The following KIRREL3 variants were observed in gnomAD, a reference collection of about 807,000 sequenced individuals.
The protein encoded by KIRREL3 is kirre like nephrin family adhesion molecule 3, also known as kin of IRRE-like protein 3.
In KIRREL3, 36 loss-of-function variants were observed where a neutral mutation model predicts 89.7. That is an observed-to-expected ratio of 0.40 (90% CI 0.31 to 0.53). KIRREL3 has a LOEUF of 0.53. Ranked by LOEUF, KIRREL3 falls within the 20% of genes least tolerant of loss-of-function variation. KIRREL3 has a pLI of 0.49. For synonymous variants in KIRREL3, 445 were observed against 441.4 expected (o/e 1.01, Z -0.10); for missense variants, 864 against 1,056.6 (o/e 0.82, Z 2.53).
In KIRREL3 at chr11:126,531,424, G is replaced by A. The variant is rs1958939383; in HGVS notation, c.134-4737C>T. 6.6e-6 allele frequency among the ~76,000 whole-genome samples: 1 copy of A among 152,162 alleles called. No individual in the cohort carries two copies. Among genetic ancestry groups the A allele is most frequent in the African/African-American group, 2.4e-5 (1 of 41,428 alleles). The stretch of plus-strand genomic sequence containing the variant: ...GGACAACGCCCAACTTCCCATGCTG[G>A]ATTCTAATCTCCAAAATCCAGCTCC... On this transcript the variant is annotated intron_variant, in intron 2 of 16. Transcript: ENST00000525144. The surrounding 1 kb of genome is among the most constrained non-coding windows in gnomAD (Gnocchi z 4.7).
chr11:126,675,413 T>C (rs1463607046), intron 1 of KIRREL3, among the ~76,000 whole-genome samples: 1 of 152,346 alleles, frequency 6.6e-6, no homozygotes, highest in East Asian at 1.9e-4. Flanking sequence ...TGGACTGAGA[T>C]TACAATGAAC....
At chr11:126,545,340 C>T (rs1938729855) in intron 2 of KIRREL3, among the ~76,000 whole-genome samples, 1 of 152,158 alleles carries the variant, frequency 6.6e-6, no homozygotes, top group African/African-American at 2.4e-5. Context: ...CCAGAGATAT[C>T]TATCTGGATC....
chr11:126,698,442 T>A (rs113714513), intron 1 of KIRREL3, among the ~76,000 whole-genome samples: 13 of 152,294 alleles, frequency 8.5e-5, no homozygotes, highest in African/African-American at 1.2e-4. Context: ...CCCTCCACCT[T>A]GGGTGTTCTC....
At position 126,837,578 on chromosome 11, in the gene KIRREL3, G is replaced by A. The variant is rs1012625130; in HGVS notation, c.55+162877C>T. On this transcript the variant is annotated intron_variant, in intron 1 of 16. Coordinates refer to ENST00000525144, the MANE Select transcript of KIRREL3 (RefSeq NM_032531.4). This position sits in a 1 kb window ranked among gnomAD's most constrained non-coding sequence, Gnocchi z 4.7. ...CCTCTTCCCACCTCTTCCAATCCTC[G>A]CTACATCCAGGAACTTACTCTGCTG... Among the ~76,000 whole-genome samples the A allele has an allele frequency of 2.6e-5, 4 of 152,200 alleles. No homozygotes were observed. Among genetic ancestry groups the A allele is most frequent in the Admixed American group, 6.5e-5 (1 of 15,292 alleles).
chr11:126,442,351 C>CAA (rs1334428889), intron 10 of KIRREL3, among the ~76,000 whole-genome samples: 123 of 126,592 alleles, frequency 9.7e-4, no homozygotes, highest in African/African-American at 3.4e-3. Context: ...CACACACACA[C>CAA]ACAAAACCTT....
chr11:126,757,090 A>C (rs1422135569), intron 1 of KIRREL3, among the ~76,000 whole-genome samples: 1 of 152,224 alleles, frequency 6.6e-6, no homozygotes, highest in Admixed American at 6.5e-5. Context: ...AATCAAGCAT[A>C]AAGTTCTGGG....
intron 4 of KIRREL3, among the ~76,000 whole-genome samples, chr11:126,478,936 C>T (rs894746968): frequency 1.3e-5 from 2 of 152,156 alleles, no homozygotes; most frequent in African/African-American, 4.8e-5. Context: ...TTGGTGCTCC[C>T]TGTCTCTCCT....
In KIRREL3 at chr11:126,879,144, G is replaced by A. The variant is rs1330513960; in HGVS notation, c.55+121311C>T. On this transcript the variant is annotated intron_variant, in intron 1 of 16. Transcript: ENST00000525144. The surrounding 1 kb of genome is among the most constrained non-coding windows in gnomAD (Gnocchi z 5.4). The stretch of plus-strand genomic sequence containing the variant: ...AAAGGGAGGAAATAGTCTGAGTCCA[G>A]CTAAATGTAAAGAGGGAAACTGGAG... Among the ~76,000 whole-genome samples the A allele has an allele frequency of 6.6e-6, 1 of 152,178 alleles. No homozygotes were observed. Among genetic ancestry groups the A allele is most frequent in the Non-Finnish European group, 1.5e-5 (1 of 68,034 alleles).
rs550224076 is a variant in KIRREL3 at position 126,932,448 on chromosome 11, A to G, written c.55+68007T>C. ...CGAAAGTGGGGGGTCCTATTTCAAG[A>G]CTGATTTCAAATAGCACATTTTGAA... On this transcript the variant is annotated intron_variant, in intron 1 of 16. Transcript: ENST00000525144. 7.9e-5 allele frequency among the ~76,000 whole-genome samples: 12 copies of G among 152,106 alleles called. No homozygotes were observed. The East Asian group carries it at 1.9e-3, about 24-fold the overall frequency.
chr11:126,707,420 A>G lies in KIRREL3; in HGVS notation c.56-144508T>C, dbSNP rs1326380005. On this transcript the variant is annotated intron_variant, in intron 1 of 16. Transcript: ENST00000525144. The stretch of plus-strand genomic sequence containing the variant: ...ATTTTTTCTCCACAAATGTCTAGCT[A>G]GTTCCCCATAGCTTTCATTGATCAT... 7.2e-5 allele frequency among the ~76,000 whole-genome samples: 11 copies of G among 152,238 alleles called. No homozygotes were observed. In the Middle Eastern group the frequency reaches 0.017, roughly 235 times the overall value.
chr11:126,490,092 G>C lies in KIRREL3; in HGVS notation c.434-16626C>G, dbSNP rs1424431495. ...TGAAATGTTTTGGATGTGCCTTAAA[G>C]TCACAGTTAGCTCCCATGATGGGCA... On this transcript the variant is annotated intron_variant, in intron 4 of 16. Transcript: ENST00000525144. This position sits in a 1 kb window ranked among gnomAD's most constrained non-coding sequence, Gnocchi z 4.2. Among the ~76,000 whole-genome samples, 2 of 152,102 alleles carry C rather than the reference G, an allele frequency of 1.3e-5. No homozygotes were observed. Among genetic ancestry groups the C allele is most frequent in the Non-Finnish European group, 2.9e-5 (2 of 68,024 alleles).
At chr11:126,577,866 C>A (rs1411460468) in intron 1 of KIRREL3, among the ~76,000 whole-genome samples, 3 of 152,040 alleles carry the variant, frequency 2.0e-5, no homozygotes, top group Non-Finnish European at 2.9e-5. Flanking sequence ...CTGCCCAGTT[C>A]TAGATTCTTC....
intron 1 of KIRREL3, among the ~76,000 whole-genome samples, chr11:126,986,832 C>T (rs1168924155): frequency 7.9e-5 from 12 of 152,208 alleles, no homozygotes. Context: ...TAGAAAGTGA[C>T]TTTCGACTCC....
intron 1 of KIRREL3, among the ~76,000 whole-genome samples, chr11:126,662,640 C>A (rs572533521): frequency 1.3e-5 from 2 of 152,314 alleles, no homozygotes; most frequent in South Asian, 4.1e-4. Flanking sequence ...ATAGCCTGAT[C>A]ACCTCTTGGA....
intron 1 of KIRREL3, among the ~76,000 whole-genome samples, chr11:126,828,997 G>A (rs546191628): frequency 6.6e-6 from 1 of 152,308 alleles, no homozygotes; most frequent in East Asian, 1.9e-4. Flanking sequence ...CTCTGAAGAG[G>A]TCTACAGAAT....
chr11:126,802,605 C>A lies in KIRREL3; in HGVS notation c.55+197850G>T, dbSNP rs1352167755. On this transcript the variant is annotated intron_variant, in intron 1 of 16. Coordinates refer to ENST00000525144, the MANE Select transcript of KIRREL3 (RefSeq NM_032531.4). This position sits in a 1 kb window ranked among gnomAD's most constrained non-coding sequence, Gnocchi z 5.2. ...TGTGGGCATGTGTGTGTGTGAGTGA[C>A]CCTGCGATGGGAGGGTGTCCTGTCG... Among the ~76,000 whole-genome samples the A allele has an allele frequency of 1.3e-5, 2 of 152,060 alleles. No individual in the cohort carries two copies. Among genetic ancestry groups the A allele is most frequent in the African/African-American group, 2.4e-5 (1 of 41,402 alleles).
At chr11:126,972,204 G>GAGAGA (rs1555110558) in intron 1 of KIRREL3, among the ~76,000 whole-genome samples, 29 of 146,492 alleles carry the variant, frequency 2.0e-4, no homozygotes, top group East Asian at 6.1e-4. Flanking sequence ...GAGAGAGAGA[G>GAGAGA]GACTGTGCAT....
At chr11:126,762,566 C>A (rs1426919536) in intron 1 of KIRREL3, among the ~76,000 whole-genome samples, 1 of 152,196 alleles carries the variant, frequency 6.6e-6, no homozygotes, top group African/African-American at 2.4e-5. Context: ...GAAGCCTTTC[C>A]CATCTGTTTC....
rs997370550 is a variant in KIRREL3 at position 126,610,247 on chromosome 11, C to G, written c.56-47335G>C. On this transcript the variant is annotated intron_variant, in intron 1 of 16. Transcript: ENST00000525144. The surrounding 1 kb of genome is among the most constrained non-coding windows in gnomAD (Gnocchi z 4.6). ...CTGGGATTACAGGCATGCACCACCA[C>G]GCCTGGCTAATTTTTGTATTTTTAA... Among the ~76,000 whole-genome samples the G allele has an allele frequency of 6.6e-6, 1 of 152,058 alleles. No individual in the cohort carries two copies. Among genetic ancestry groups the G allele is most frequent in the Non-Finnish European group, 1.5e-5 (1 of 68,026 alleles).
Sources: gnomAD v4.1 joint callset for allele counts (sites outside exome capture counted in the v4.1 genomes callset) on GRCh38, gnomAD v4.1.1 for gene constraint, Gnocchi (gnomAD v3.1) non-coding constraint, MANE v1.5 for transcripts, NCBI Gene and HGNC (gene_info 2026-07-23, HGNC 2026-07-21) for gene names.